The following HAUS8 variants were observed in gnomAD, a reference collection of about 807,000 sequenced individuals.
HAUS8 encodes HAUS augmin-like complex subunit 8.
In HAUS8, 38 loss-of-function variants were observed where a neutral mutation model predicts 42.9. That is an observed-to-expected ratio of 0.89 (90% CI 0.68 to 1.16). The LOEUF is 1.16. HAUS8 is among the 50% of genes most tolerant of loss of function. The pLI, the probability that HAUS8 is intolerant of heterozygous loss-of-function variation, is 0.00. For synonymous variants in HAUS8, 199 were observed against 205.8 expected, an observed-to-expected ratio of 0.97 and a Z score of 0.28; for missense variants, 494 against 511.6, an observed-to-expected ratio of 0.97 and a Z score of 0.33.
intron 9 of HAUS8, chr19:17,055,193 A>ATATATAT (rs1568635009): frequency 2.6e-5 from 2 of 78,000 alleles, no homozygotes; most frequent in African/African-American, 1.3e-4. Flanking sequence ...TATATATATA[A>ATATATAT]GCCAGGTGTG....
At chr19:17,072,657 G>A (rs777151325) in intron 2 of HAUS8, among the ~76,000 whole-genome samples, 5 of 150,570 alleles carry the variant, frequency 3.3e-5, no homozygotes, top group Non-Finnish European at 7.4e-5. Flanking sequence ...CTTTTTTTTT[G>A]TTTTGTTTTG....
At chr19:17,059,785 G>A in intron 5 of HAUS8, 134 bp from the exon 6 acceptor site, 1 of 694,092 alleles carries the variant, frequency 1.4e-6, no homozygotes, top group Non-Finnish European at 2.5e-6. Flanking sequence ...ACTTATAACA[G>A]TCCAGTTAAA....
At chr19:17,055,448 T>C (rs138414349) in intron 9 of HAUS8, among the ~76,000 whole-genome samples, 88 of 150,774 alleles carry the variant, frequency 5.8e-4, no homozygotes, top group African/African-American at 2.0e-3. Context: ...CGGCAGTTTT[T>C]CACACTTGCC....
intron 2 of HAUS8, among the ~76,000 whole-genome samples, chr19:17,073,000 T>C (rs966508487): frequency 6.7e-6 from 1 of 148,378 alleles, no homozygotes; most frequent in African/African-American, 2.5e-5. Flanking sequence ...ATGATCTCCA[T>C]GGTCTCCACA....
At chr19:17,056,110 ACC>A (rs2057324864) in intron 8 of HAUS8, 108 bp from the exon 9 acceptor site, 4 of 1,033,132 alleles carry the variant, frequency 3.9e-6, no homozygotes, top group Non-Finnish European at 5.8e-6. Context: ...GTTCTTCACC[ACC>A]CCCCAGGGAA....
At chr19:17,052,720 T>C in intron 10 of HAUS8, 105 bp downstream of exon 10, 1 of 1,231,110 alleles carries the variant, frequency 8.1e-7, no homozygotes, top group Non-Finnish European at 1.2e-6. Flanking sequence ...GGACTGAACC[T>C]CCTCTGAACT....
chr19:17,069,439 T>C (rs1555797726), intron 2 of HAUS8, among the ~76,000 whole-genome samples: 1 of 148,834 alleles, frequency 6.7e-6, no homozygotes, highest in Non-Finnish European at 1.5e-5. Flanking sequence ...TCCTCCTTCC[T>C]CCCATCTCGT....
At chr19:17,073,542 C>G (rs1055788059) in intron 1 of HAUS8, 14 of 596,530 alleles carry the variant, frequency 2.3e-5, no homozygotes, top group Non-Finnish European at 3.9e-5. Flanking sequence ...CATAGGTGAA[C>G]ACCCAAACTG....
At chr19:17,053,898 C>T (rs941144946) in intron 9 of HAUS8, among the ~76,000 whole-genome samples, 5 of 151,978 alleles carry the variant, frequency 3.3e-5, no homozygotes, top group Admixed American at 6.6e-5. Flanking sequence ...CTACTGACCT[C>T]GTGATCCACC....
In HAUS8 at chr19:17,060,549, C is replaced by T. The variant is rs148578111; in HGVS notation, c.230-457G>A. ...TCAGCCTCCCAAGTAGCTGGGATTA[C>T]AGGCACTCGCCACCATGCTCAGCTA... On this transcript the variant is annotated intron_variant, in intron 4 of 10. Transcript: ENST00000253669. Among the ~76,000 whole-genome samples, 23 of 152,330 alleles carry T rather than the reference C, an allele frequency of 1.5e-4. 1 individual carries two copies. The East Asian group carries it at 4.4e-3, about 29-fold the overall frequency.
chr19:17,058,509 G>A, intron 8 of HAUS8, 40 bp downstream of exon 8: 3 of 1,538,818 alleles, frequency 1.9e-6, no homozygotes, highest in Non-Finnish European at 2.6e-6. Flanking sequence ...CAGATTCACA[G>A]GGAACACTCA....
intron 4 of HAUS8, among the ~76,000 whole-genome samples, chr19:17,061,139 T>C (rs1349523726): frequency 2.0e-5 from 3 of 151,940 alleles, no homozygotes; most frequent in Admixed American, 2.0e-4. Context: ...TTTTCTTTTT[T>C]TTTTTTTTTG....
intron 10 of HAUS8, among the ~76,000 whole-genome samples, chr19:17,051,093 G>A (rs560660500): frequency 3.2e-4 from 48 of 152,210 alleles, no homozygotes; most frequent in African/African-American, 1.1e-3. Context: ...TGGCAGCAGC[G>A]AGAGGTGGGG....
intron 8 of HAUS8, among the ~76,000 whole-genome samples, chr19:17,057,493 T>C (rs2057333594): frequency 6.6e-6 from 1 of 152,242 alleles, no homozygotes; most frequent in South Asian, 2.1e-4. Context: ...TATGAGTTTC[T>C]TCAAATTGTC....
At chr19:17,051,582 C>G (rs2057287656) in intron 10 of HAUS8, 1 of 151,882 alleles carries the variant, frequency 6.6e-6, no homozygotes, top group Non-Finnish European at 1.5e-5. Flanking sequence ...GTGAGGGCGC[C>G]TGTGCTGCTG....
intron 9 of HAUS8, among the ~76,000 whole-genome samples, chr19:17,054,061 GGCCACCAGCA>G (rs1041971318): frequency 6.6e-6 from 1 of 152,080 alleles, no homozygotes; most frequent in Non-Finnish European, 1.5e-5. Flanking sequence ...GAACGCCAAG[GGCCACCAGCA>G]GCCACCAGCA....
At position 17,060,076 on chromosome 19, in the gene HAUS8, G is replaced by C. The variant is rs996825136; in HGVS notation, c.246C>G (p.Val82=). 4.3e-6 allele frequency: 7 copies of C among 1,610,666 alleles called. No individual in the cohort carries two copies. In the Admixed American group the frequency reaches 5.0e-5, roughly 12 times the overall value. ...ACGTGGACTGCAGGTCACCCTTTCCGACCCCACTGCTATCTGCTGTTAAGA... is the reference window on the plus strand; with the variant it reads ...ACGTGGACTGCAGGTCACCCTTTCCCACCCCACTGCTATCTGCTGTTAAGA... ...LQKSKADSSG[V]GKGDLQSTLL... is the part of the protein sequence containing the mutation. Residue 82 remains valine, a synonymous_variant, in exon 5 of 11, where the codon GTC becomes GTG. Coordinates refer to ENST00000253669, the MANE Select transcript of HAUS8 (RefSeq NM_033417.2).
In HAUS8 at chr19:17,055,947, C is replaced by T. The variant is rs765560591; in HGVS notation, c.701G>A (p.Arg234Lys). Reference sequence around the variant, plus strand: ...AGTGTCCAGGGCCGTGGCGAATGTCCTGTATTGCTCCTTGAAGCGTGTGGC... The same window carrying T: ...AGTGTCCAGGGCCGTGGCGAATGTCTTGTATTGCTCCTTGAAGCGTGTGGC... The part of the protein sequence containing the change: ...AVATRFKEQY[R>K]TFATALDTTR... The change falls in exon 9 of 11, where the codon AGG (arginine) becomes AAG (lysine). Residue 234 changes from arginine (R) to lysine (K), a missense_variant. Arg to Lys is a conservative substitution (Grantham distance 26). Coordinates refer to ENST00000253669, the MANE Select transcript of HAUS8 (RefSeq NM_033417.2). 8 of 1,614,190 alleles carry T rather than the reference C, an allele frequency of 5.0e-6. No individual in the cohort carries two copies. Among genetic ancestry groups the T allele is most frequent in the Non-Finnish European group, 5.9e-6 (7 of 1,180,010 alleles).
At chr19:17,062,812 A>G (rs1030604501) in intron 3 of HAUS8, 33 bp from the exon 4 acceptor site, 2 of 1,526,204 alleles carry the variant, frequency 1.3e-6, no homozygotes, top group African/African-American at 2.7e-5. Flanking sequence ...TCAGAGGACA[A>G]GACATCCTCC....
Sources: allele counts gnomAD v4.1 joint callset (sites outside exome capture counted in the v4.1 genomes callset), GRCh38; gene constraint gnomAD v4.1.1; transcripts MANE v1.5; gene names NCBI Gene and HGNC (gene_info 2026-07-23, HGNC 2026-07-21).